Variants in ETV3 observed in about 807,000 individuals in gnomAD.
ETV3 encodes the protein ETS translocation variant 3.
ETV3 carries 8 observed loss-of-function variants against 33.0 expected under a neutral mutation model. The observed-to-expected ratio is 0.24, with a 90% CI of 0.14 to 0.44. The LOEUF is 0.44. Ranked by LOEUF, ETV3 falls within the 20% of genes least tolerant of loss-of-function variation. The pLI is 1.00. For missense variants in ETV3, 473 were observed against 652.3 expected (o/e 0.73, Z 2.99); for synonymous variants, 222 against 238.9 (o/e 0.93, Z 0.65).
At chr1:157,127,846 C>T (rs1674877016) in intron 4 of ETV3, among the ~76,000 whole-genome samples, 1 of 152,110 alleles carries the variant, frequency 6.6e-6, no homozygotes, top group African/African-American at 2.4e-5. Flanking sequence ...TGCGCCCAGC[C>T]CATCAACTTT....
intron 1 of ETV3, 41 bp downstream of exon 1, chr1:157,138,275 A>T (rs891695037): frequency 6.6e-6 from 1 of 151,692 alleles, no homozygotes; most frequent in Admixed American, 6.5e-5. Context: ...TCCCGGATCC[A>T]ACCCAGACAC....
chr1:157,125,178 T>A lies in ETV3; in HGVS notation c.1202A>T (p.Glu401Val). ...ESLRQSAREK[E>V]EHTQEEGTVP... ...AGTGCCCTCTTCTTGAGTGTGCTCC[T>A]CCTTCTCTCGTGCCGACTGCCTGAG... The change falls in exon 5 of 5, where the codon GAG (glutamate) becomes GTG (valine). Residue 401 changes from glutamate to valine, a missense_variant. By Grantham distance (121) the Glu-to-Val change is moderately radical (BLOSUM62 -2). Coordinates refer to ENST00000368192, the MANE Select transcript of ETV3 (RefSeq NM_001145312.3). The surrounding 1 kb of genome is among the most constrained non-coding windows in gnomAD (Gnocchi z 4.0). 3 of 1,552,144 alleles carry A rather than the reference T, an allele frequency of 1.9e-6. No individual in the cohort carries two copies. Among genetic ancestry groups the A allele is most frequent in the Non-Finnish European group, 2.6e-6 (3 of 1,147,070 alleles).
intron 2 of ETV3, 96 bp from the exon 3 acceptor site, chr1:157,135,804 T>G (rs1675095548): frequency 1.6e-6 from 2 of 1,272,350 alleles, no homozygotes; most frequent in Admixed American, 1.8e-5. Flanking sequence ...GAATCTAGAG[T>G]GCTTTGCAAA....
chr1:157,127,103 T>G (rs1479276000), intron 4 of ETV3, among the ~76,000 whole-genome samples: 4 of 152,246 alleles, frequency 2.6e-5, no homozygotes, highest in African/African-American at 9.6e-5. Flanking sequence ...CATTCCTGGA[T>G]GCACCGCTTC....
intron 4 of ETV3, among the ~76,000 whole-genome samples, chr1:157,130,224 G>A (rs1416644739): frequency 2.0e-5 from 3 of 152,172 alleles, no homozygotes; most frequent in African/African-American, 7.2e-5. Flanking sequence ...CTGTAAAGGA[G>A]ACATAATAAG....
At chr1:157,130,511 C>T (rs1355788269) in intron 4 of ETV3, among the ~76,000 whole-genome samples, 1 of 152,222 alleles carries the variant, frequency 6.6e-6, no homozygotes. Context: ...AATCTCAGTT[C>T]TGGCAGCTTC....
chr1:157,125,431 G>T lies in ETV3; in HGVS notation c.949C>A (p.Arg317=), dbSNP rs1490350237. ...AGCCCTGGGTAACGGGGAAAAGTCC[G>T]AGGACTCAGATGGTAGTTGAACACA... The part of the protein sequence containing the change: ...CSVFNYHLSP[R]TFPRYPGLMV... Residue 317 remains arginine (R), a synonymous_variant, in exon 5 of 5, where the codon CGG becomes AGG. Coordinates refer to ENST00000368192, the MANE Select transcript of ETV3 (RefSeq NM_001145312.3). This position sits in a 1 kb window ranked among gnomAD's most constrained non-coding sequence, Gnocchi z 4.0. 3 of 1,552,232 alleles carry T rather than the reference G, an allele frequency of 1.9e-6. No homozygotes were observed. In the East Asian group the frequency reaches 7.3e-5, roughly 38 times the overall value.
At chr1:157,130,728 A>T (rs1320009814) in intron 4 of ETV3, among the ~76,000 whole-genome samples, 1 of 152,210 alleles carries the variant, frequency 6.6e-6, no homozygotes, top group African/African-American at 2.4e-5. Flanking sequence ...TTAACAGTTA[A>T]TATTTGTAAA....
rs578166668 is a variant in ETV3, at chr1:157,136,304, C to T, written c.46+3G>A. ...ACATCAGAGATGATTAACTTCTGCT[C>T]ACCTCCACCTCCTTCTGGCTTTTCC... On this transcript the variant is annotated splice_donor_region_variant and intron_variant, in intron 2 of 4. Transcript: ENST00000368192. The T allele has an allele frequency of 1.0e-4, 165 of 1,612,384 alleles. 1 individual carries two copies. The South Asian group carries it at 1.8e-3, about 17-fold the overall frequency.
intron 3 of ETV3, 112 bp from the exon 4 acceptor site, chr1:157,134,339 T>C (rs1244838413): frequency 1.5e-6 from 2 of 1,378,116 alleles, no homozygotes; most frequent in East Asian, 2.5e-5. Flanking sequence ...CTTACAAAAA[T>C]CACTACCAAT....
At chr1:157,130,000 T>G (rs938369300) in intron 4 of ETV3, among the ~76,000 whole-genome samples, 1 of 152,036 alleles carries the variant, frequency 6.6e-6, no homozygotes, top group Non-Finnish European at 1.5e-5. Context: ...CGCACCACCA[T>G]GACTGGCTGA....
intron 1 of ETV3, 84 bp from the exon 2 acceptor site, chr1:157,136,449 A>C: frequency 7.9e-7 from 1 of 1,268,066 alleles, no homozygotes; most frequent in African/African-American, 1.5e-5. Flanking sequence ...CTCTCCCCAA[A>C]CTTCCTTTCC....
rs527838610 is a variant in ETV3, at chr1:157,125,525, G to A, written c.855C>T (p.Phe285=). ...TGAAGGAGAAGCAGCTGCTGCTGGT[G>A]AAAGGGCTCAGGCCTGGTGATGGGC... The part of the protein sequence containing the change: ...SYSPSPGLSP[F]TSSSCFSFNP... The change falls in exon 5 of 5, where the codon TTC becomes TTT. Residue 285 remains phenylalanine (F), a synonymous_variant. Coordinates refer to ENST00000368192, the MANE Select transcript of ETV3 (RefSeq NM_001145312.3). This position sits in a 1 kb window ranked among gnomAD's most constrained non-coding sequence, Gnocchi z 4.0. 2.6e-6 allele frequency: 4 copies of A among 1,552,144 alleles called. No individual in the cohort carries two copies. The highest frequency in any genetic ancestry group is 2.4e-5 in the South Asian group (2 of 84,064).
In ETV3 at chr1:157,124,759, C is replaced by CA; in HGVS notation, c.*81_*82insT. 4.8e-6 allele frequency: 1 copy of CA among 209,926 alleles called. No homozygotes were observed. The highest frequency in any genetic ancestry group is 2.4e-5 in the African/African-American group (1 of 41,912). The allele number at this position is 209,926 out of a possible 1,614,324, so 13.0% of individuals were successfully genotyped here. On this transcript the variant is annotated 3_prime_UTR_variant, in exon 5 of 5. Coordinates refer to ENST00000368192, the MANE Select transcript of ETV3 (RefSeq NM_001145312.3). ...AATGATCAAACCAGTTTAACTCCCT[C>CA]CCCCCCACCCTGAAATCTTGCTACA...
intron 4 of ETV3, among the ~76,000 whole-genome samples, chr1:157,127,667 T>G (rs1441402129): frequency 6.6e-6 from 1 of 152,128 alleles, no homozygotes; most frequent in Non-Finnish European, 1.5e-5. Context: ...TGCCTCAGCT[T>G]CTGGAGTAGC....
chr1:157,135,671 T>A lies in ETV3; in HGVS notation c.84A>T (p.Ser28=). 1 of 1,614,216 alleles carries A rather than the reference T, an allele frequency of 6.2e-7. No homozygotes were observed. Among genetic ancestry groups the A allele is most frequent in the African/African-American group, 1.3e-5 (1 of 75,048 alleles). Reference sequence around the variant, plus strand: ...GCTGGATCTGCCGGGAGCCTGGGGATGACTCTGTTTTGTAGGCCCAGTCAG... The same window carrying A: ...GCTGGATCTGCCGGGAGCCTGGGGAAGACTCTGTTTTGTAGGCCCAGTCAG... ...QFPDWAYKTE[S]SPGSRQIQLW... Residue 28 remains serine, a synonymous_variant, in exon 3 of 5, where the codon TCA becomes TCT. Coordinates refer to ENST00000368192, the MANE Select transcript of ETV3 (RefSeq NM_001145312.3).
In ETV3 at chr1:157,128,159, T is replaced by C. The variant is rs147890685; in HGVS notation, c.401-2180A>G. On this transcript the variant is annotated intron_variant, in intron 4 of 4. Transcript: ENST00000368192. ...CCTCTTGGTCTAGCAGACTCTGGAG[T>C]CTGCTGGTATTCGTAAGACTGTAGC... Among the ~76,000 whole-genome samples the C allele has an allele frequency of 6.0e-3, 909 of 152,158 alleles. 5 individuals carry two copies. The highest frequency in any genetic ancestry group is 0.011 in the Admixed American group (165 of 15,294).
intron 4 of ETV3, chr1:157,133,518 C>A: frequency 1.0e-6 from 1 of 985,896 alleles, no homozygotes; most frequent in Non-Finnish European, 1.2e-6. Context: ...AAGCTATAAC[C>A]AGGAAAGTCA....
intron 4 of ETV3, among the ~76,000 whole-genome samples, chr1:157,129,176 T>G (rs1674916645): frequency 6.6e-6 from 1 of 152,232 alleles, no homozygotes; most frequent in Non-Finnish European, 1.5e-5. Context: ...AATAGCCAAT[T>G]TAATTAGAAA....
Sources: gnomAD v4.1 joint callset for allele counts (sites outside exome capture counted in the v4.1 genomes callset) on GRCh38, gnomAD v4.1.1 for gene constraint, Gnocchi (gnomAD v3.1) non-coding constraint, MANE v1.5 for transcripts, NCBI Gene and HGNC (gene_info 2026-07-23, HGNC 2026-07-21) for gene names.